Variants in ERCC6L2 observed in about 807,000 individuals in gnomAD.
ERCC6L2 encodes DNA excision repair protein ERCC-6-like 2.
A neutral mutation model predicts 132.0 loss-of-function variants in ERCC6L2; 77 were observed. The observed-to-expected ratio is 0.58, with a 90% confidence interval of 0.49 to 0.71. The LOEUF is 0.71. Ranked by LOEUF, ERCC6L2 falls within the 30% of genes least tolerant of loss-of-function variation. The pLI is 0.00. For synonymous variants in ERCC6L2, 583 were observed against 632.4 expected (o/e 0.92, Z 1.17); for missense variants, 1,542 against 1,837.6 (o/e 0.84, Z 2.94).
chr9:95,946,405 G>A (rs1831066994), intron 12 of ERCC6L2, among the ~76,000 whole-genome samples: 2 of 152,144 alleles, frequency 1.3e-5, no homozygotes, highest in South Asian at 4.1e-4. Context: ...GCAGGCGCTT[G>A]TAGTCCCAGC....
chr9:95,962,251 TGG>T (rs200990866), intron 13 of ERCC6L2, among the ~76,000 whole-genome samples: 1 of 151,988 alleles, frequency 6.6e-6, no homozygotes, highest in Non-Finnish European at 1.5e-5. Flanking sequence ...TGAGGTGTTT[TGG>T]GGGGGTTGGG....
intron 16 of ERCC6L2, among the ~76,000 whole-genome samples, chr9:95,974,296 T>G (rs747304322): frequency 2.6e-5 from 4 of 152,208 alleles, no homozygotes; most frequent in Non-Finnish European, 5.9e-5. Context: ...CTAATTGCTT[T>G]CTTTATTTAC....
chr9:96,027,212 C>T (rs534250326), intron 19 of ERCC6L2, among the ~76,000 whole-genome samples: 2 of 152,152 alleles, frequency 1.3e-5, no homozygotes, highest in South Asian at 2.1e-4. Context: ...AGCCACACCA[C>T]ACCCCCGCCT....
chr9:95,897,401 A>T (rs1218301296), intron 2 of ERCC6L2, among the ~76,000 whole-genome samples: 1 of 152,142 alleles, frequency 6.6e-6, no homozygotes, highest in Non-Finnish European at 1.5e-5. Context: ...TTAAAATAAC[A>T]TTTTTCCATT....
In ERCC6L2 at chr9:96,014,642, GT is replaced by G. The variant is rs1166083661; in HGVS notation, c.*1441del. 2.0e-5 allele frequency: 3 copies of G among 152,220 alleles called. No homozygotes were observed. Among genetic ancestry groups the G allele is most frequent in the African/African-American group, 7.2e-5 (3 of 41,456 alleles). 9.4% of individuals were successfully genotyped at this position (152,220 alleles called of 1,614,324 possible). On this transcript the variant is annotated 3_prime_UTR_variant, in exon 19 of 19. Transcript: ENST00000653738. Reference sequence around the variant, plus strand: ...GGTAGGGCAGTGGGTTTGTGTGTGTGTTAATCCTCTCACAACCCACTGAATT... The same window carrying G: ...GGTAGGGCAGTGGGTTTGTGTGTGTGTAATCCTCTCACAACCCACTGAATT...
At chr9:95,990,907 CTT>C (rs1833274954) in intron 17 of ERCC6L2, among the ~76,000 whole-genome samples, 1 of 152,166 alleles carries the variant, frequency 6.6e-6, no homozygotes, top group African/African-American at 2.4e-5. Context: ...ATGTGGAAGA[CTT>C]TATTGAGCGG....
At chr9:95,877,985 T>C (rs1049676712) in intron 1 of ERCC6L2, among the ~76,000 whole-genome samples, 3 of 152,152 alleles carry the variant, frequency 2.0e-5, no homozygotes, top group African/African-American at 7.2e-5. Flanking sequence ...AATTAAATGT[T>C]ATGATAAGTG....
chr9:95,886,207 G>A (rs1255109536), intron 2 of ERCC6L2, among the ~76,000 whole-genome samples: 1 of 152,040 alleles, frequency 6.6e-6, no homozygotes, highest in Non-Finnish European at 1.5e-5. Context: ...GGTAGAGATG[G>A]GGTTTTCCCG....
intron 3 of ERCC6L2, among the ~76,000 whole-genome samples, chr9:95,904,830 T>C (rs1828951066): frequency 6.6e-6 from 1 of 152,182 alleles, no homozygotes; most frequent in Non-Finnish European, 1.5e-5. Context: ...TTGAGCAAGA[T>C]TTATTGAAAG....
chr9:95,961,809 C>T (rs1249622097), intron 13 of ERCC6L2, among the ~76,000 whole-genome samples: 1 of 152,102 alleles, frequency 6.6e-6, no homozygotes, highest in Non-Finnish European at 1.5e-5. Context: ...TTCTGCATGG[C>T]TGGGGAGGCC....
At position 95,922,437 on chromosome 9, in the gene ERCC6L2, A is replaced by G. The variant is rs777280165; in HGVS notation, c.1413+19A>G. The stretch of plus-strand genomic sequence containing the variant: ...ACAACAGGTTTGGTTAGCATTTTAC[A>G]TTTCTTTGTGATGCTATTGTTGTGA... On this transcript the variant is annotated intron_variant, in intron 8 of 18. Transcript: ENST00000653738. 1 of 1,423,012 alleles carries G rather than the reference A, an allele frequency of 7.0e-7. No homozygotes were observed. Among genetic ancestry groups the G allele is most frequent in the Non-Finnish European group, 9.9e-7 (1 of 1,010,198 alleles). 88.1% of individuals were successfully genotyped at this position (1,423,012 alleles called of 1,614,324 possible).
chr9:95,957,892 T>A (rs1831691890), intron 13 of ERCC6L2, among the ~76,000 whole-genome samples: 1 of 151,954 alleles, frequency 6.6e-6, no homozygotes, highest in African/African-American at 2.4e-5. Flanking sequence ...TTTTTTAAAT[T>A]ATACTTTAAG....
rs567192440 is a variant in ERCC6L2 at position 96,039,430 on chromosome 9, C to G, written c.*1755+303C>G. Among the ~76,000 whole-genome samples, 14 of 152,188 alleles carry G rather than the reference C, an allele frequency of 9.2e-5. No individual in the cohort carries two copies. In the South Asian group the frequency reaches 2.5e-3, roughly 27 times the overall value. On this transcript the variant is annotated intron_variant and NMD_transcript_variant, in intron 20 of 20. Transcript: ENST00000670016. ...GGCGTAGAGAAGAGAGTGGAGTTTC[C>G]TGTTTGAGAGAACGTTTCTGGGTGG...
At chr9:95,903,643 A>G (rs1432588632) in intron 3 of ERCC6L2, among the ~76,000 whole-genome samples, 1 of 149,748 alleles carries the variant, frequency 6.7e-6, no homozygotes, top group Non-Finnish European at 1.5e-5. Flanking sequence ...AGAAAATAGA[A>G]GGTGTTCAAT....
intron 17 of ERCC6L2, among the ~76,000 whole-genome samples, chr9:95,997,592 G>A (rs188616124): frequency 6.6e-4 from 100 of 152,340 alleles, no homozygotes; most frequent in Admixed American, 1.4e-3. Flanking sequence ...TATAGTGTAA[G>A]CATAACTTTT....
intron 1 of ERCC6L2, among the ~76,000 whole-genome samples, chr9:95,878,727 A>T (rs937415835): frequency 1.6e-4 from 23 of 147,798 alleles, no homozygotes; most frequent in Non-Finnish European, 3.0e-4. Flanking sequence ...TCATTGTTCA[A>T]TTCCCACCTA....
intron 19 of ERCC6L2, among the ~76,000 whole-genome samples, chr9:96,036,644 G>A (rs562119692): frequency 1.2e-3 from 184 of 152,116 alleles, no homozygotes; most frequent in African/African-American, 4.3e-3. Flanking sequence ...GTGCACAAGG[G>A]TTCCAATTTC....
At chr9:95,902,197 T>G (rs557562223) in intron 3 of ERCC6L2, among the ~76,000 whole-genome samples, 1 of 152,286 alleles carries the variant, frequency 6.6e-6, no homozygotes, top group Non-Finnish European at 1.5e-5. Context: ...AATAAATTCT[T>G]AAAGGAAAAG....
At chr9:95,997,427 T>C (rs1350178667) in intron 17 of ERCC6L2, among the ~76,000 whole-genome samples, 2 of 152,252 alleles carry the variant, frequency 1.3e-5, no homozygotes, top group Admixed American at 1.3e-4. Flanking sequence ...AGGAATTGCT[T>C]CTTATGGATT....
Sources: gnomAD v4.1 joint callset for allele counts (sites outside exome capture counted in the v4.1 genomes callset) on GRCh38, gnomAD v4.1.1 for gene constraint, MANE v1.5 for transcripts, NCBI Gene and HGNC (gene_info 2026-07-23, HGNC 2026-07-21) for gene names.